The following FRMPD4 variants were observed in gnomAD, a reference collection of about 807,000 sequenced individuals.
FRMPD4 encodes the protein FERM and PDZ domain-containing protein 4.
In FRMPD4, 22 loss-of-function variants were observed where a neutral mutation model predicts 94.1. The observed-to-expected ratio is 0.23, with a 90% CI of 0.17 to 0.33. The LOEUF is 0.33. FRMPD4 is among the 10% of genes least tolerant of loss of function. The pLI is 1.00. For synonymous variants in FRMPD4, 631 were observed against 548.6 expected (o/e 1.15, Z -2.10); for missense variants, 1,111 against 1,339.9 (o/e 0.83, Z 2.67).
At chrX:11,855,589 C>G (rs777842722) in intron 1 of FRMPD4, among the ~76,000 whole-genome samples, 1 of 112,193 alleles carries the variant, frequency 8.9e-6, no homozygotes, top group African/African-American at 3.2e-5. Context: ...GGGCAAAATG[C>G]CATTAGTATC....
chrX:12,117,273 T>C (rs2055417326), intron 3 of FRMPD4, among the ~76,000 whole-genome samples: 1 of 111,671 alleles, frequency 9.0e-6, no homozygotes, highest in African/African-American at 3.3e-5. Context: ...TATTCCTTTT[T>C]TTTTCATTAT....
At chrX:12,528,469 C>T (rs1291101092) in intron 2 of FRMPD4, among the ~76,000 whole-genome samples, 1 of 109,100 alleles carries the variant, frequency 9.2e-6, no homozygotes, top group Non-Finnish European at 1.9e-5. Context: ...TACTGGCACC[C>T]ACCACCACGC....
intron 1 of FRMPD4, among the ~76,000 whole-genome samples, chrX:12,282,248 G>A (rs1259444028): frequency 8.9e-6 from 1 of 112,000 alleles, no homozygotes. Flanking sequence ...AGGCAGTCAC[G>A]GATCTTAGTA....
chrX:12,307,784 C>A (rs911948315), intron 1 of FRMPD4, among the ~76,000 whole-genome samples: 1 of 111,567 alleles, frequency 9.0e-6, no homozygotes, highest in Non-Finnish European at 1.9e-5. Context: ...AGGGAAGGGG[C>A]CTTCACTAAG....
intron 3 of FRMPD4, among the ~76,000 whole-genome samples, chrX:11,992,121 C>T (rs2054467768): frequency 1.0e-5 from 1 of 97,009 alleles, no homozygotes; most frequent in African/African-American, 3.8e-5. Flanking sequence ...TTTGTTTGCA[C>T]GCAGGCACCT....
chrX:12,303,317 G>A (rs1278002751), intron 1 of FRMPD4, among the ~76,000 whole-genome samples: 1 of 111,871 alleles, frequency 8.9e-6, no homozygotes, highest in Non-Finnish European at 1.9e-5. Flanking sequence ...GAAATAAGAT[G>A]AAATTTTGAT....
chrX:12,165,498 T>G (rs2056101027), intron 1 of FRMPD4, among the ~76,000 whole-genome samples: 1 of 112,029 alleles, frequency 8.9e-6, no homozygotes, highest in Non-Finnish European at 1.9e-5. Flanking sequence ...CCTCCAGCTT[T>G]GTTCTTTTGG....
chrX:11,852,442 C>CAAAAAAAAAAAAAAA (rs374590200), intron 1 of FRMPD4, among the ~76,000 whole-genome samples: 3 of 52,610 alleles, frequency 5.7e-5, no homozygotes, highest in Non-Finnish European at 7.2e-5. Context: ...ACCCTGTCTC[C>CAAAAAAAAAAAAAAA]AAAAAAAAAA....
At chrX:12,089,399 C>A (rs998667159) in intron 3 of FRMPD4, among the ~76,000 whole-genome samples, 1 of 111,907 alleles carries the variant, frequency 8.9e-6, no homozygotes, top group South Asian at 3.8e-4. Context: ...ATCAGTTGCC[C>A]AAAATGATTC....
intron 4 of FRMPD4, among the ~76,000 whole-genome samples, chrX:12,671,151 G>C (rs1460176349): frequency 2.7e-5 from 3 of 112,074 alleles, no homozygotes; most frequent in Non-Finnish European, 5.6e-5. Flanking sequence ...GTGTAAATTA[G>C]TTCAACCATT....
In FRMPD4 at chrX:12,497,489, C is replaced by A. The variant is rs995662800; in HGVS notation, c.42-1191C>A. 4.0e-5 allele frequency among the ~76,000 whole-genome samples: 4 copies of A among 99,519 alleles called. No homozygotes were observed. In the South Asian group the frequency reaches 1.9e-3, roughly 46 times the overall value. 86.4% of individuals were successfully genotyped at this position (99,519 alleles called of 115,157 possible). A position where few individuals can be genotyped will look rare whatever the true frequency, so the allele number is the denominator to read the frequency against. ...AGCAGCACATTAAAAAAAAAAAAAA[C>A]CACCAGAGGAAATTGCCACTGCTGA... On this transcript the variant is annotated intron_variant, in intron 1 of 16. Transcript: ENST00000675598.
At chrX:12,515,151 G>C (rs1227300639) in intron 2 of FRMPD4, among the ~76,000 whole-genome samples, 1 of 111,640 alleles carries the variant, frequency 9.0e-6, no homozygotes, top group Non-Finnish European at 1.9e-5. Flanking sequence ...CAAAAAACCA[G>C]CTCCTGGATT....
chrX:12,266,112 G>A (rs1288113808), intron 1 of FRMPD4, among the ~76,000 whole-genome samples: 3 of 75,154 alleles, frequency 4.0e-5, no homozygotes, highest in Admixed American at 1.9e-4. Context: ...CAGCCTGGGC[G>A]ACACAGCGAG....
intron 3 of FRMPD4, among the ~76,000 whole-genome samples, chrX:12,048,359 G>A (rs751517086): frequency 8.9e-6 from 1 of 111,752 alleles, no homozygotes; most frequent in Admixed American, 9.5e-5. Flanking sequence ...TTGTTGCATT[G>A]TTTAAGTTCC....
At chrX:12,046,801 T>C (rs2054788028) in intron 3 of FRMPD4, among the ~76,000 whole-genome samples, 1 of 111,628 alleles carries the variant, frequency 9.0e-6, no homozygotes, top group Non-Finnish European at 1.9e-5. Flanking sequence ...CTCTTGGGTT[T>C]CTATAGAGGC....
chrX:12,212,469 A>T (rs1341503514), intron 1 of FRMPD4, among the ~76,000 whole-genome samples: 1 of 111,377 alleles, frequency 9.0e-6, no homozygotes, highest in Non-Finnish European at 1.9e-5. Context: ...CACCATGGGG[A>T]TGGCAGAGCA....
At chrX:12,026,091 T>C (rs937043309) in intron 3 of FRMPD4, among the ~76,000 whole-genome samples, 2 of 111,680 alleles carry the variant, frequency 1.8e-5, no homozygotes, top group Admixed American at 9.5e-5. Context: ...AAAGTCTTTC[T>C]TGACTCATGC....
At chrX:11,919,192 A>G (rs1300603472) in intron 3 of FRMPD4, among the ~76,000 whole-genome samples, 1 of 112,296 alleles carries the variant, frequency 8.9e-6, no homozygotes, top group African/African-American at 3.2e-5. Context: ...GCCTGTATAT[A>G]CTGGATACCA....
intron 1 of FRMPD4, among the ~76,000 whole-genome samples, chrX:12,213,521 C>A (rs1487788586): frequency 1.8e-5 from 2 of 111,938 alleles, no homozygotes; most frequent in Non-Finnish European, 3.8e-5. Flanking sequence ...GCATTAATAT[C>A]CTGAGAGCAC....
Sources: allele counts gnomAD v4.1 joint callset (sites outside exome capture counted in the v4.1 genomes callset), GRCh38; gene constraint gnomAD v4.1.1; transcripts MANE v1.5; gene names NCBI Gene and HGNC (gene_info 2026-07-23, HGNC 2026-07-21).